Variants in TRPV5 observed in about 807,000 individuals in gnomAD.
The protein encoded by TRPV5 is calcium transport protein 2.
A neutral mutation model predicts 74.1 loss-of-function variants in TRPV5; 66 were observed. The ratio of observed to expected loss-of-function variants is 0.89; its 90% confidence interval spans 0.73 to 1.09. TRPV5 has a LOEUF of 1.09. Among genes scored for constraint, TRPV5 ranks in the 50% least tolerant of loss-of-function variants. The pLI is 0.00. For missense variants in TRPV5, 936 were observed against 930.4 expected, an observed-to-expected ratio of 1.01 and a Z score of -0.08; for synonymous variants, 399 against 360.7, an observed-to-expected ratio of 1.11 and a Z score of -1.20.
intron 3 of TRPV5, 76 bp downstream of exon 3, chr7:142,929,982 G>C: frequency 7.1e-7 from 1 of 1,412,112 alleles, no homozygotes; most frequent in Non-Finnish European, 9.5e-7. Flanking sequence ...CCATCCTTCA[G>C]AGGCCAATTT....
chr7:142,923,512 C>A (rs1795917806), intron 8 of TRPV5, among the ~76,000 whole-genome samples: 1 of 152,130 alleles, frequency 6.6e-6, no homozygotes, highest in Admixed American at 6.5e-5. Context: ...TGTTATCTAA[C>A]CCCTTCCAGC....
chr7:142,930,574 A>C, intron 1 of TRPV5, 128 bp from the exon 2 acceptor site: 1 of 746,082 alleles, frequency 1.3e-6, no homozygotes, highest in East Asian at 2.6e-5. Flanking sequence ...ATTGGAAAGA[A>C]GTGCCTACTG....
intron 13 of TRPV5, among the ~76,000 whole-genome samples, chr7:142,912,128 A>G (rs1795710619): frequency 6.6e-6 from 1 of 152,224 alleles, no homozygotes; most frequent in Non-Finnish European, 1.5e-5. Context: ...TAAAGAAAAG[A>G]TCATAGAGAA....
Position 142,928,234 on chromosome 7 carries a change from T to A in TRPV5, c.763A>T (p.Met255Leu). 1.9e-6 allele frequency: 3 copies of A among 1,614,104 alleles called. No individual in the cohort carries two copies. The highest frequency in any genetic ancestry group is 2.7e-5 in the African/African-American group (2 of 75,032). The change falls in exon 7 of 15, where the codon ATG (methionine) becomes TTG (leucine). Residue 255 changes from methionine to leucine, a missense_variant and splice_region_variant. Transcript: ENST00000265310. ...KLAGVEGNTV[M>L]FQHLMQKRRH... is the part of the protein sequence containing the mutation. ...CGCTTCTGCATCAGGTGCTGGAACA[T>A]CTGAGAGACCACCAGGATGAGTCAG...
At chr7:142,912,377 G>A (rs1444501438) in intron 13 of TRPV5, 105 bp downstream of exon 13, 2 of 1,464,768 alleles carry the variant, frequency 1.4e-6, no homozygotes, top group Non-Finnish European at 1.8e-6. Flanking sequence ...CAGCCTCACT[G>A]GGTTTTTCTG....
intron 14 of TRPV5, 75 bp from the exon 15 acceptor site, chr7:142,908,883 T>C: frequency 6.9e-7 from 1 of 1,456,742 alleles, no homozygotes. Flanking sequence ...GGTGACCATT[T>C]AGAAAGCAGG....
chr7:142,931,740 T>C (rs1357607911), intron 1 of TRPV5, among the ~76,000 whole-genome samples: 1 of 152,204 alleles, frequency 6.6e-6, no homozygotes, highest in Non-Finnish European at 1.5e-5. Flanking sequence ...CTCACTCTAT[T>C]GCCCAGACTG....
rs759367760 is a variant in TRPV5, at chr7:142,908,667, G to A, written c.2037C>T (p.Ala679=). ...SGAESGTLAR[A]SLALPTSSLS... ...GGGAGGAAGTTGGAAGAGCCAAAGA[G>A]GCTCTGGCTAGAGTCCCACTCTCAG... Residue 679 remains alanine, a synonymous_variant, in exon 15 of 15, where the codon GCC becomes GCT. Transcript: ENST00000265310. 23 of 1,614,220 alleles carry A rather than the reference G, an allele frequency of 1.4e-5. No homozygotes were observed. Among genetic ancestry groups the A allele is most frequent in the Non-Finnish European group, 1.7e-5 (20 of 1,180,044 alleles).
At chr7:142,921,244 T>C in intron 8 of TRPV5, among the ~76,000 whole-genome samples, 1 of 152,196 alleles carries the variant, frequency 6.6e-6, no homozygotes, top group African/African-American at 2.4e-5. Context: ...CCCTTCCCTC[T>C]ATCTCCCCAC....
At chr7:142,926,650 G>A (rs1039087749) in intron 7 of TRPV5, among the ~76,000 whole-genome samples, 9 of 152,002 alleles carry the variant, frequency 5.9e-5, no homozygotes, top group African/African-American at 1.9e-4. Context: ...TGTGAAAGGG[G>A]GCTAGAAAGG....
chr7:142,930,363 T>C lies in TRPV5; in HGVS notation c.212A>G (p.Asp71Gly), dbSNP rs1796067172. 1 of 1,613,982 alleles carries C rather than the reference T, an allele frequency of 6.2e-7. No individual in the cohort carries two copies. Among genetic ancestry groups the C allele is most frequent in the Admixed American group, 1.7e-5 (1 of 60,000 alleles). ...CCAGATCCCACCTCTTTGTCGAACG[T>C]CACAGGTGCAGTCCAGTAGAAGTTG... ...LRQLLLDCTC[D>G]VRQRGALGET... is the part of the protein sequence containing the mutation. The change falls in exon 2 of 15, where the codon GAC (aspartate) becomes GGC (glycine). Residue 71 changes from aspartate (D) to glycine (G), a missense_variant. Coordinates refer to ENST00000265310, the MANE Select transcript of TRPV5 (RefSeq NM_019841.7).
chr7:142,915,782 A>AT (rs1215767084), intron 8 of TRPV5, among the ~76,000 whole-genome samples: 2 of 152,210 alleles, frequency 1.3e-5, no homozygotes, highest in African/African-American at 4.8e-5. Context: ...ACATATGCTA[A>AT]TGTCTTGAGC....
In TRPV5 at chr7:142,929,472, G is replaced by A. The variant is rs1306795642; in HGVS notation, c.443C>T (p.Thr148Ile). The A allele has an allele frequency of 5.6e-6, 9 of 1,614,054 alleles. No individual in the cohort carries two copies. Among genetic ancestry groups the A allele is most frequent in the Middle Eastern group, 1.6e-4 (1 of 6,084 alleles). The part of the protein sequence containing the change: ...TRRASVSARA[T>I]GTAFRHSPRN... Reference sequence around the variant, plus strand: ...GGGACTATGGCGGAAGGCAGTGCCTGTGGCTCTGGCAGAGACACTGGCCCT... The same window carrying A: ...GGGACTATGGCGGAAGGCAGTGCCTATGGCTCTGGCAGAGACACTGGCCCT... Residue 148 changes from threonine to isoleucine, a missense_variant, in exon 4 of 15, where the codon ACA becomes ATA. By Grantham distance (89) the Thr-to-Ile change is moderately conservative. Coordinates refer to ENST00000265310, the MANE Select transcript of TRPV5 (RefSeq NM_019841.7).
chr7:142,933,172 TG>T (rs1796124419), intron 1 of TRPV5, among the ~76,000 whole-genome samples, 159 bp downstream of exon 1: 1 of 152,168 alleles, frequency 6.6e-6, no homozygotes, highest in Admixed American at 6.5e-5. Context: ...AGGGGCCAGC[TG>T]GGATTCTGTA....
At chr7:142,914,221 G>A (rs1795752631) in intron 12 of TRPV5, among the ~76,000 whole-genome samples, 1 of 152,188 alleles carries the variant, frequency 6.6e-6, no homozygotes, top group South Asian at 2.1e-4. Context: ...GTTGTTGAGT[G>A]CTTTAGGTTT....
chr7:142,925,649 G>A lies in TRPV5; in HGVS notation c.1002C>T (p.Ala334=). ...YGRPYFCILA[A]LYLLYMICFT... ...AGCAGATCATGTAGAGCAGGTACAA[G>A]GCAGCCAGGATGCAGAAGTACGGCC... The change falls in exon 8 of 15, where the codon GCC becomes GCT. Residue 334 remains alanine, a synonymous_variant. Coordinates refer to ENST00000265310, the MANE Select transcript of TRPV5 (RefSeq NM_019841.7). 6.2e-7 allele frequency: 1 copy of A among 1,614,200 alleles called. No individual in the cohort carries two copies. Among genetic ancestry groups the A allele is most frequent in the South Asian group, 1.1e-5 (1 of 91,080 alleles).
At chr7:142,927,963 T>G in intron 7 of TRPV5, 125 bp downstream of exon 7, 1 of 1,176,340 alleles carries the variant, frequency 8.5e-7, no homozygotes, top group Non-Finnish European at 1.2e-6. Context: ...CAGGAGACTA[T>G]TCTCATCTCC....
chr7:142,924,575 T>C (rs1795953449), intron 8 of TRPV5, among the ~76,000 whole-genome samples: 1 of 151,816 alleles, frequency 6.6e-6, no homozygotes. Flanking sequence ...TCTTTCCGAC[T>C]GAAACTACCC....
At position 142,915,397 on chromosome 7, in the gene TRPV5, G is replaced by A. The variant is rs772937632; in HGVS notation, c.1210-14C>T. ...GATGTCTGGAATCTGGGGAGAGGAC[G>A]GCAAAGCAAAAATACAATGTGGACT... On this transcript the variant is annotated splice_polypyrimidine_tract_variant and intron_variant, in intron 9 of 14. Transcript: ENST00000265310. The A allele has an allele frequency of 1.1e-5, 18 of 1,607,718 alleles. No individual in the cohort carries two copies. Among genetic ancestry groups the A allele is most frequent in the Admixed American group, 8.7e-5 (5 of 57,670 alleles).
Sources: gnomAD v4.1 joint callset for allele counts (sites outside exome capture counted in the v4.1 genomes callset) on GRCh38, gnomAD v4.1.1 for gene constraint, MANE v1.5 for transcripts, NCBI Gene and HGNC (gene_info 2026-07-23, HGNC 2026-07-21) for gene names.